The following RBM6 variants were observed in gnomAD, a reference collection of about 807,000 sequenced individuals.
RBM6 encodes RNA binding motif protein 6, also known as RNA-binding protein 6.
A neutral mutation model predicts 140.4 loss-of-function variants in RBM6; 23 were observed. The observed-to-expected ratio is 0.16, with a 90% confidence interval of 0.12 to 0.23. The LOEUF (loss-of-function observed/expected upper bound fraction) is 0.23, where lower values mean the gene tolerates loss of function less well. RBM6 is among the 10% of genes least tolerant of loss of function. The pLI is 1.00. For synonymous variants in RBM6, 439 were observed against 475.6 expected (o/e 0.92, Z 1.00); for missense variants, 1,139 against 1,386.7 (o/e 0.82, Z 2.84).
At chr3:50,000,823 G>A (rs1162986920) in intron 6 of RBM6, among the ~76,000 whole-genome samples, 1 of 152,152 alleles carries the variant, frequency 6.6e-6, no homozygotes, top group Non-Finnish European at 1.5e-5. Context: ...GTTTAACTCA[G>A]TGTGGCTCAT....
Position 49,974,673 on chromosome 3 carries a change from ATTTTTTTTT to A in RBM6, c.1414-628_1414-620del, listed in dbSNP as rs55872898. Among the ~76,000 whole-genome samples, 106 of 72,470 alleles carry A rather than the reference ATTTTTTTTT, an allele frequency of 1.5e-3. 1 individual carries two copies. The highest frequency in any genetic ancestry group is 2.4e-3 in the African/African-American group (37 of 15,400). The allele number at this position is 72,470 out of a possible 152,430, so 47.5% of individuals were successfully genotyped here. A position where few individuals can be genotyped will look rare whatever the true frequency, so the allele number is the denominator to read the frequency against. On this transcript the variant is annotated intron_variant, in intron 4 of 20. Transcript: ENST00000266022. ...AGGCGTGAGCCACCGTGCCCGGCCA[ATTTTTTTTT>A]TTTTTTTTTTTTTTTTTTTTTAAAG... is the stretch of plus-strand genomic sequence containing the variant.
intron 6 of RBM6, among the ~76,000 whole-genome samples, chr3:50,037,190 A>G (rs994567225): frequency 2.0e-5 from 3 of 152,146 alleles, no homozygotes; most frequent in African/African-American, 7.2e-5. Context: ...ATTTGAGCCC[A>G]GGAGTTCAAG....
At chr3:50,000,346 CT>C (rs780436283) in intron 6 of RBM6, among the ~76,000 whole-genome samples, 18,282 of 110,002 alleles carry the variant, frequency 0.17, 1,430 homozygotes, top group Non-Finnish European at 0.23. Context: ...TTTTTTTTTT[CT>C]TTTTTTTTTT....
In RBM6 at chr3:49,972,125, C is replaced by A; in HGVS notation, c.1390C>A (p.Pro464Thr). The A allele has an allele frequency of 6.2e-7, 1 of 1,611,814 alleles. No individual in the cohort carries two copies. The highest frequency in any genetic ancestry group is 8.5e-7 in the Non-Finnish European group (1 of 1,178,336). ...PSRLIRLSGV[P>T]EDATKEEILN... Reference sequence around the variant, plus strand: ...CAGGCTTATTCGATTAAGTGGGGTACCTGAAGATGCCACAAAAGAAGAGGT... The same window carrying A: ...CAGGCTTATTCGATTAAGTGGGGTAACTGAAGATGCCACAAAAGAAGAGGT... Residue 464 changes from proline to threonine, a missense_variant, in exon 4 of 21, where the codon CCT becomes ACT. Around this residue, in one of 9 missense-constraint regions of RBM6, gnomAD observed 566 missense variants for 612.7 expected, o/e 0.92. Coordinates refer to ENST00000266022, the MANE Select transcript of RBM6 (RefSeq NM_005777.3).
chr3:49,955,485 C>T (rs2083938117), intron 1 of RBM6, among the ~76,000 whole-genome samples: 1 of 151,872 alleles, frequency 6.6e-6, no homozygotes, highest in South Asian at 2.1e-4. Flanking sequence ...GCAACCTTCG[C>T]CTCCCAGGTT....
At chr3:50,043,487 CAAAAA>C (rs11434039) in intron 6 of RBM6, among the ~76,000 whole-genome samples, 1 of 141,312 alleles carries the variant, frequency 7.1e-6, no homozygotes, top group African/African-American at 2.6e-5. Context: ...GACCCTGTCT[CAAAAA>C]AAAAAAAGAG....
At chr3:50,054,999 A>G (rs1006077730) in intron 8 of RBM6, among the ~76,000 whole-genome samples, 3 of 151,798 alleles carry the variant, frequency 2.0e-5, no homozygotes, top group Non-Finnish European at 1.5e-5. Context: ...AATTATTTGT[A>G]TTTTAGTAGA....
intron 20 of RBM6, 123 bp from the exon 21 acceptor site, chr3:50,076,882 TAAA>T (rs199553129): frequency 1.2e-3 from 961 of 776,562 alleles, no homozygotes; most frequent in South Asian, 1.9e-3. Flanking sequence ...TGACTCCATC[TAAA>T]AAAAAAAAAA....
intron 5 of RBM6, among the ~76,000 whole-genome samples, chr3:49,991,141 T>C (rs946916574): frequency 2.0e-5 from 3 of 152,168 alleles, no homozygotes; most frequent in African/African-American, 4.8e-5. Flanking sequence ...GAAATACTTA[T>C]GTTTATCAGT....
At chr3:50,038,236 C>G (rs924062822) in intron 6 of RBM6, among the ~76,000 whole-genome samples, 3 of 152,114 alleles carry the variant, frequency 2.0e-5, no homozygotes, top group Non-Finnish European at 2.9e-5. Flanking sequence ...TGTACAGTAT[C>G]TTAGGTCTTG....
intron 20 of RBM6, 86 bp from the exon 21 acceptor site, chr3:50,076,922 T>G: frequency 1.5e-6 from 2 of 1,351,496 alleles, no homozygotes; most frequent in Non-Finnish European, 9.9e-7. Flanking sequence ...TGCTTCTTAC[T>G]AGTCCAGAAA....
chr3:49,966,453 A>C (rs1170607358), intron 2 of RBM6, among the ~76,000 whole-genome samples: 1 of 152,214 alleles, frequency 6.6e-6, no homozygotes, highest in Non-Finnish European at 1.5e-5. Flanking sequence ...AAACATGTAA[A>C]ATGCCCTGAA....
chr3:50,071,939 C>G (rs1284734223), intron 19 of RBM6, among the ~76,000 whole-genome samples: 1 of 149,698 alleles, frequency 6.7e-6, no homozygotes, highest in African/African-American at 2.5e-5. Context: ...TAACAATTAG[C>G]TGGGCGCTGT....
At chr3:49,976,841 A>T (rs143460740) in intron 5 of RBM6, among the ~76,000 whole-genome samples, 4 of 152,352 alleles carry the variant, frequency 2.6e-5, no homozygotes, top group African/African-American at 9.6e-5. Flanking sequence ...TAGAATTGGC[A>T]GACTGAAGAC....
At chr3:49,944,254 C>T (rs1318318638) in intron 1 of RBM6, among the ~76,000 whole-genome samples, 1 of 152,052 alleles carries the variant, frequency 6.6e-6, no homozygotes. Flanking sequence ...AATATTTGAT[C>T]TTTTGTGTAT....
intron 6 of RBM6, among the ~76,000 whole-genome samples, chr3:50,018,850 A>C (rs955660467): frequency 1.2e-4 from 18 of 151,888 alleles, no homozygotes; most frequent in African/African-American, 4.1e-4. Context: ...CGGCCTCCCA[A>C]AGTGTTGGGA....
intron 19 of RBM6, among the ~76,000 whole-genome samples, chr3:50,073,622 T>G (rs1448037705): frequency 6.6e-6 from 1 of 152,204 alleles, no homozygotes. Context: ...CACACTGGAC[T>G]CCTACTCCCA....
At chr3:50,057,268 T>TA (rs1257474179) in intron 8 of RBM6, among the ~76,000 whole-genome samples, 1 of 152,190 alleles carries the variant, frequency 6.6e-6, no homozygotes, top group African/African-American at 2.4e-5. Flanking sequence ...GAGGACTTTT[T>TA]ATTAGATATT....
At chr3:49,942,904 C>T (rs1053717845) in intron 1 of RBM6, among the ~76,000 whole-genome samples, 1 of 152,144 alleles carries the variant, frequency 6.6e-6, no homozygotes, top group African/African-American at 2.4e-5. Flanking sequence ...AACAAGTTAA[C>T]TTCCCATTTC....
Sources: allele counts gnomAD v4.1 joint callset (sites outside exome capture counted in the v4.1 genomes callset), GRCh38; gene constraint gnomAD v4.1.1; regional missense constraint gnomAD v4.1.1; transcripts MANE v1.5; gene names NCBI Gene and HGNC (gene_info 2026-07-23, HGNC 2026-07-21).